The following NAV2 variants were observed in gnomAD, a reference collection of about 807,000 sequenced individuals.
NAV2 encodes the protein helicase, APC down-regulated 1.
A neutral mutation model predicts 223.2 loss-of-function variants in NAV2; 54 were observed. The observed-to-expected ratio is 0.24, with a 90% CI of 0.19 to 0.30. The LOEUF is 0.30. NAV2 is among the 10% of genes least tolerant of loss of function. The pLI, the probability that NAV2 is intolerant of heterozygous loss-of-function variation, is 1.00. For missense variants in NAV2, 2,806 were observed against 3,147.5 expected (o/e 0.89, Z 2.60); for synonymous variants, 1,279 against 1,239.3 (o/e 1.03, Z -0.67).
At chr11:19,795,154 A>G (rs961637390) in intron 1 of NAV2, among the ~76,000 whole-genome samples, 2 of 152,176 alleles carry the variant, frequency 1.3e-5, no homozygotes, top group Non-Finnish European at 1.5e-5. Context: ...GTAAGACCAA[A>G]CTATTCCCAA....
chr11:19,709,917 T>A (rs992353707), upstream of NAV2, among the ~76,000 whole-genome samples: 5 of 152,196 alleles, frequency 3.3e-5, no homozygotes, highest in Admixed American at 2.0e-4. Context: ...AAGTGAAAGA[T>A]CTTTCATCAA....
chr11:19,717,123 A>G (rs1387967555), intron 1 of NAV2, among the ~76,000 whole-genome samples: 1 of 152,226 alleles, frequency 6.6e-6, no homozygotes, highest in Non-Finnish European at 1.5e-5. Flanking sequence ...TTAGCAAGGT[A>G]CAGCCACTTG....
chr11:19,566,500 A>G (rs919873071), intron 1 of NAV2, among the ~76,000 whole-genome samples: 2 of 152,182 alleles, frequency 1.3e-5, no homozygotes, highest in African/African-American at 4.8e-5. Context: ...GGTGATCCAT[A>G]AACTTGAGGA....
At chr11:19,976,364 G>A (rs751750605) in intron 10 of NAV2, among the ~76,000 whole-genome samples, 5 of 152,250 alleles carry the variant, frequency 3.3e-5, no homozygotes, top group East Asian at 1.9e-4. Context: ...CGACTCCCAC[G>A]CTATCTCTTC....
At chr11:20,101,362 T>C (rs2061623153) in intron 32 of NAV2, among the ~76,000 whole-genome samples, 190 bp downstream of exon 32, 2 of 152,174 alleles carry the variant, frequency 1.3e-5, no homozygotes, top group South Asian at 2.1e-4. Flanking sequence ...ATCGAGCTCA[T>C]TTATGATGCT....
chr11:19,394,003 C>T (rs949893890), intron 1 of NAV2, among the ~76,000 whole-genome samples: 5 of 148,494 alleles, frequency 3.4e-5, no homozygotes, highest in Admixed American at 2.0e-4. Context: ...AACTGTAAAC[C>T]TGGAACGTTT....
intron 6 of NAV2, among the ~76,000 whole-genome samples, chr11:19,912,110 A>G (rs1401648546): frequency 1.3e-5 from 2 of 152,214 alleles, no homozygotes; most frequent in Non-Finnish European, 2.9e-5. Context: ...TTTAAGCAGA[A>G]TGTCTGTGTT....
At chr11:20,028,367 G>T (rs1309914843) in intron 11 of NAV2, among the ~76,000 whole-genome samples, 1 of 152,094 alleles carries the variant, frequency 6.6e-6, no homozygotes, top group Non-Finnish European at 1.5e-5. Flanking sequence ...GGTCACTTTT[G>T]TAGAGGCTTT....
At chr11:19,924,214 T>G (rs943205874) in intron 6 of NAV2, among the ~76,000 whole-genome samples, 1 of 151,866 alleles carries the variant, frequency 6.6e-6, no homozygotes, top group East Asian at 1.9e-4. Flanking sequence ...CTTTATAACA[T>G]TACGTGGGAT....
chr11:19,779,940 TG>T (rs1417757567), intron 1 of NAV2, among the ~76,000 whole-genome samples: 1 of 152,226 alleles, frequency 6.6e-6, no homozygotes, highest in Admixed American at 6.5e-5. Flanking sequence ...GAATGAGGCC[TG>T]GGGCCAGAGG....
In NAV2 at chr11:19,629,681, T is replaced by G. The variant is rs1459812641; in HGVS notation, c.76-202803T>G. Among the ~76,000 whole-genome samples, 2 of 152,062 alleles carry G rather than the reference T, an allele frequency of 1.3e-5. 1 individual carries two copies. Among genetic ancestry groups the G allele is most frequent in the South Asian group, 4.2e-4 (2 of 4,812 alleles). ...AGAGGCTGGACCCTCAAATAGGTCCTAGACAGGGACAGGGGTAGGGTGGGG... is the reference window on the plus strand; with the variant it reads ...AGAGGCTGGACCCTCAAATAGGTCCGAGACAGGGACAGGGGTAGGGTGGGG... On this transcript the variant is annotated intron_variant, in intron 1 of 37. Coordinates refer to the NAV2 transcript ENST00000360655.
At chr11:19,546,925 T>G (rs2044517152) in intron 1 of NAV2, among the ~76,000 whole-genome samples, 1 of 152,144 alleles carries the variant, frequency 6.6e-6, no homozygotes, top group Non-Finnish European at 1.5e-5. Context: ...TACATCAGGG[T>G]CTGGGAGATG....
chr11:19,952,739 C>CCGG (rs1390234181), intron 10 of NAV2, among the ~76,000 whole-genome samples: 4,081 of 152,230 alleles, frequency 0.027, 171 homozygotes, highest in African/African-American at 0.094. Context: ...ATTTTCTGTA[C>CCGG]TGGTGTGTGC....
At chr11:19,572,901 C>A (rs2045466235) in intron 1 of NAV2, among the ~76,000 whole-genome samples, 2 of 152,188 alleles carry the variant, frequency 1.3e-5, no homozygotes, top group South Asian at 4.1e-4. Flanking sequence ...TATGAATATG[C>A]TGAAGTTTGC....
At chr11:19,808,949 A>G (rs7129202) in intron 1 of NAV2, among the ~76,000 whole-genome samples, 39,538 of 152,120 alleles carry the variant, frequency 0.26, 5,814 homozygotes, top group East Asian at 0.49. Flanking sequence ...TCCTTCTTTT[A>G]ATGGTGAGGA....
rs2053555590 is a variant in NAV2 at position 20,011,421 on chromosome 11, G to A, written c.2769-24538G>A. Reference sequence around the variant, plus strand: ...TGTTTTTTGTTCATGTAAGCACTTAGACATTTTGTTTTTTGAAAGACCAAA... The same window carrying A: ...TGTTTTTTGTTCATGTAAGCACTTAAACATTTTGTTTTTTGAAAGACCAAA... On this transcript the variant is annotated intron_variant, in intron 11 of 37. Coordinates refer to ENST00000349880, the MANE Select transcript of NAV2 (RefSeq NM_145117.5). Among the ~76,000 whole-genome samples, 3 of 152,330 alleles carry A rather than the reference G, an allele frequency of 2.0e-5. No homozygotes were observed. The South Asian group carries it at 6.2e-4, about 32-fold the overall frequency.
intron 1 of NAV2, among the ~76,000 whole-genome samples, chr11:19,655,335 G>A (rs547348531): frequency 1.8e-4 from 28 of 152,284 alleles, no homozygotes; most frequent in South Asian, 2.1e-4. Flanking sequence ...TCAGTGTGGC[G>A]ATTCCTCAAG....
chr11:19,431,995 C>T (rs1276990444), intron 1 of NAV2, among the ~76,000 whole-genome samples: 2 of 152,078 alleles, frequency 1.3e-5, no homozygotes, highest in Non-Finnish European at 2.9e-5. Context: ...GTCAGGAGTT[C>T]GAGACCAGCC....
chr11:19,715,412 G>A (rs72907943), intron 1 of NAV2, among the ~76,000 whole-genome samples: 1 of 152,218 alleles, frequency 6.6e-6, no homozygotes, highest in Non-Finnish European at 1.5e-5. Context: ...TGAGCACCAG[G>A]GTACACTTCT....
Sources: gnomAD v4.1 joint callset for allele counts (sites outside exome capture counted in the v4.1 genomes callset) on GRCh38, gnomAD v4.1.1 for gene constraint, MANE v1.5 for transcripts, NCBI Gene and HGNC (gene_info 2026-07-23, HGNC 2026-07-21) for gene names.